The following STC2 variants were observed in gnomAD, a reference collection of about 807,000 sequenced individuals.
The protein encoded by STC2 is stanniocalcin-2.
In STC2, 7 loss-of-function variants were observed where a neutral mutation model predicts 22.7. That is an observed-to-expected ratio of 0.31 (90% confidence interval 0.18 to 0.58). STC2 has a LOEUF of 0.58. STC2 is among the 20% of genes least tolerant of loss of function. STC2 has a pLI of 0.89. For synonymous variants in STC2, 158 were observed against 163.4 expected (o/e 0.97, Z 0.25); for missense variants, 336 against 406.2 (o/e 0.83, Z 1.48).
In STC2 at chr5:173,326,044, A is replaced by T. The variant is rs1173501896; in HGVS notation, c.152-34T>A. The stretch of plus-strand genomic sequence containing the variant: ...AAAATCACATACAAATATATACAAA[A>T]CTCTAACCCATGCTGGGCAATGCAG... On this transcript the variant is annotated intron_variant, in intron 1 of 3. Coordinates refer to ENST00000265087, the MANE Select transcript of STC2 (RefSeq NM_003714.3). 14 of 1,610,008 alleles carry T rather than the reference A, an allele frequency of 8.7e-6. No individual in the cohort carries two copies. In the South Asian group the frequency reaches 1.5e-4, roughly 18 times the overall value.
At position 173,328,115 on chromosome 5, in the gene STC2, C is replaced by G. The variant is rs1375362476; in HGVS notation, c.79G>C (p.Ala27Pro). ...ATFDPARGTD[A>P]TNPPEGPQDR... ...TGGGGACCCTCGGGTGGGTTGGTGG[C>G]GTCGGTCCCCCGCGCCGGGTCAAAG... The change falls in exon 1 of 4, where the codon GCC (alanine) becomes CCC (proline). Residue 27 changes from alanine (A) to proline (P), a missense_variant. Coordinates refer to ENST00000265087, the MANE Select transcript of STC2 (RefSeq NM_003714.3). 6.2e-7 allele frequency: 1 copy of G among 1,601,430 alleles called. No individual in the cohort carries two copies. Among genetic ancestry groups the G allele is most frequent in the Non-Finnish European group, 8.5e-7 (1 of 1,174,156 alleles).
rs925905197 is a variant in STC2 at position 173,323,370 on chromosome 5, C to T, written c.355G>A (p.Gly119Ser). The T allele has an allele frequency of 1.1e-5, 18 of 1,614,012 alleles. No individual in the cohort carries two copies. Among genetic ancestry groups the T allele is most frequent in the South Asian group, 3.3e-5 (3 of 91,050 alleles). The stretch of plus-strand genomic sequence containing the variant: ...GCCGGGCACTTCCGGCTTATGCAGC[C>T]GAACCTGTGCCGCAGAGCGTGGGCC... The part of the protein sequence containing the change: ...CKAHALRHRF[G>S]CISRKCPAIR... The change falls in exon 3 of 4, where the codon GGC becomes AGC. Residue 119 changes from glycine to serine, a missense_variant. By Grantham distance (56) the Gly-to-Ser change is moderately conservative. Around this residue, in one of 3 missense-constraint regions of STC2, gnomAD observed 22 missense variants for 52.0 expected, o/e 0.42. Transcript: ENST00000265087. This position sits in a 1 kb window ranked among gnomAD's most constrained non-coding sequence, Gnocchi z 5.4.
chr5:173,326,663 T>C (rs1336735425), intron 1 of STC2: 4 of 152,182 alleles, frequency 2.6e-5, no homozygotes, highest in Non-Finnish European at 5.9e-5. Flanking sequence ...GAAACGCCAC[T>C]ATCAGAGGTT....
Position 173,317,922 on chromosome 5 carries a change from G to A in STC2, c.834C>T (p.Gly278=). The A allele has an allele frequency of 6.2e-7, 1 of 1,613,090 alleles. No homozygotes were observed. The highest frequency in any genetic ancestry group is 1.1e-5 in the South Asian group (1 of 90,994). ...TTCCGGAAGGTCCCTGAGCCCCAAG[G>A]CCCCCGACTCTGCCTCGGGCATGGG... ...PNAHARGRVG[G]LGAQGPSGSS... is the part of the protein sequence containing the mutation. The change falls in exon 4 of 4, where the codon GGC becomes GGT. Residue 278 remains glycine, a synonymous_variant. Coordinates refer to ENST00000265087, the MANE Select transcript of STC2 (RefSeq NM_003714.3).
At chr5:173,318,365 G>A (rs958961541) in intron 3 of STC2, 116 bp from the exon 4 acceptor site, 2 of 1,088,590 alleles carry the variant, frequency 1.8e-6, no homozygotes, top group Admixed American at 7.1e-5. Flanking sequence ...AAGGAGGCAT[G>A]GCCAGTGCTT....
In STC2 at chr5:173,323,233, G is replaced by A. The variant is rs1237712308; in HGVS notation, c.492C>T (p.Asp164=). ...RVIVEMIHFK[D]LLLHEPYVDL... ...GCAGTACTCACTCGTGCAGCAGCAA[G>A]TCCTTGAAATGGATCATCTCCACTA... The change falls in exon 3 of 4, where the codon GAC becomes GAT. Residue 164 remains aspartate, a synonymous_variant. Coordinates refer to ENST00000265087, the MANE Select transcript of STC2 (RefSeq NM_003714.3). This position sits in a 1 kb window ranked among gnomAD's most constrained non-coding sequence, Gnocchi z 5.4. 1.2e-6 allele frequency: 2 copies of A among 1,614,196 alleles called. No individual in the cohort carries two copies. Among genetic ancestry groups the A allele is most frequent in the African/African-American group, 1.3e-5 (1 of 75,054 alleles).
chr5:173,322,187 C>A (rs1762495698), intron 3 of STC2, among the ~76,000 whole-genome samples: 1 of 152,138 alleles, frequency 6.6e-6, no homozygotes, highest in African/African-American at 2.4e-5. Flanking sequence ...CAATGAGTCA[C>A]CGTGGAGAGA....
intron 1 of STC2, among the ~76,000 whole-genome samples, chr5:173,326,232 C>A (rs1197554347): frequency 1.3e-5 from 2 of 152,116 alleles, no homozygotes; most frequent in African/African-American, 2.4e-5. Flanking sequence ...TAGAAAAGAG[C>A]CGAAAAATTA....
chr5:173,325,208 T>C lies in STC2; in HGVS notation c.294+660A>G, dbSNP rs1762532807. ...TGCCACATGCCATCTAAAAATGTAT[T>C]TGCGTTGTTGGCACTGGAGCCATAT... On this transcript the variant is annotated intron_variant, in intron 2 of 3. Transcript: ENST00000265087. This position sits in a 1 kb window ranked among gnomAD's most constrained non-coding sequence, Gnocchi z 4.7. Among the ~76,000 whole-genome samples, 1 of 152,230 alleles carries C rather than the reference T, an allele frequency of 6.6e-6. No homozygotes were observed. The highest frequency in any genetic ancestry group is 2.4e-5 in the African/African-American group (1 of 41,452).
Position 173,328,132 on chromosome 5 carries a change from G to A in STC2, c.62C>T (p.Pro21Leu), listed in dbSNP as rs1206826522. 6.2e-7 allele frequency: 1 copy of A among 1,600,386 alleles called. No homozygotes were observed. ...TLALVLATFD[P>L]ARGTDATNPP... ...GTTGGTGGCGTCGGTCCCCCGCGCC[G>A]GGTCAAAGGTGGCCAACACCAAAGC... The change falls in exon 1 of 4, where the codon CCG becomes CTG. Residue 21 changes from proline to leucine, a missense_variant. This residue lies in a region of STC2 where 99 missense variants were observed against 122.7 expected (regional missense o/e 0.81). Coordinates refer to ENST00000265087, the MANE Select transcript of STC2 (RefSeq NM_003714.3).
chr5:173,317,790 C>T lies in STC2; in HGVS notation c.*57G>A. ...TCTAATGGTAAATGTTTTGGAATGT[C>T]CATAGATAAGAAAATGGACGGCGTG... On this transcript the variant is annotated 3_prime_UTR_variant, in exon 4 of 4. Transcript: ENST00000265087. 6.6e-7 allele frequency: 1 copy of T among 1,511,510 alleles called. No individual in the cohort carries two copies. Among genetic ancestry groups the T allele is most frequent in the Non-Finnish European group, 8.9e-7 (1 of 1,127,976 alleles). 93.6% of individuals were successfully genotyped at this position (1,511,510 alleles called of 1,614,324 possible).
intron 3 of STC2, among the ~76,000 whole-genome samples, chr5:173,322,471 T>A (rs1762498003): frequency 6.6e-6 from 1 of 152,256 alleles, no homozygotes; most frequent in South Asian, 2.1e-4. Flanking sequence ...TAAGTTCACA[T>A]TTCCTTGTTT....
Position 173,315,585 on chromosome 5 carries a change from A to G in STC2, c.*2262T>C, listed in dbSNP as rs1243578795. On this transcript the variant is annotated 3_prime_UTR_variant, in exon 4 of 4. Transcript: ENST00000265087. ...AACATTTACACGGAGGAAAATGGAA[A>G]TGTGATGCCTTTCACACATCCAGTC... is the stretch of plus-strand genomic sequence containing the variant. 2.0e-5 allele frequency: 3 copies of G among 152,290 alleles called. No homozygotes were observed. The East Asian group carries it at 5.8e-4, about 29-fold the overall frequency. 9.4% of individuals were successfully genotyped at this position (152,290 alleles called of 1,614,324 possible).
intron 3 of STC2, among the ~76,000 whole-genome samples, chr5:173,321,136 C>T (rs1022347818): frequency 6.6e-6 from 1 of 151,540 alleles, no homozygotes; most frequent in African/African-American, 2.4e-5. Flanking sequence ...TAGGCTCATT[C>T]TGAATGGTGT....
At chr5:173,324,540 G>A (rs1054091560) in intron 2 of STC2, among the ~76,000 whole-genome samples, 4 of 152,194 alleles carry the variant, frequency 2.6e-5, no homozygotes, top group Non-Finnish European at 2.9e-5. Flanking sequence ...AAACCATGTG[G>A]CCCGCATGGC....
At chr5:173,318,379 T>C in intron 3 of STC2, 130 bp from the exon 4 acceptor site, 1 of 969,990 alleles carries the variant, frequency 1.0e-6, no homozygotes, top group Non-Finnish European at 1.4e-6. Context: ...AGTGCTTGTC[T>C]TGGGTTCGGT....
At chr5:173,318,291 A>AGAGAGAGC (rs1554096989) in intron 3 of STC2, 42 bp from the exon 4 acceptor site, 3 of 1,373,268 alleles carry the variant, frequency 2.2e-6, no homozygotes, top group African/African-American at 2.9e-5. Flanking sequence ...AGAGAGAGAG[A>AGAGAGAGC]GAGAGAGAGG....
intron 3 of STC2, among the ~76,000 whole-genome samples, chr5:173,320,947 C>T (rs544623716): frequency 2.0e-5 from 3 of 151,500 alleles, no homozygotes; most frequent in East Asian, 1.9e-4. Context: ...AAGTACAAGT[C>T]GATGCACCGC....
chr5:173,327,582 T>C (rs866905890), intron 1 of STC2, among the ~76,000 whole-genome samples: 2 of 152,278 alleles, frequency 1.3e-5, no homozygotes, highest in South Asian at 2.1e-4. Flanking sequence ...ATGTCGGGCA[T>C]CTTTTGAGGA....
Sources: gnomAD v4.1 joint callset for allele counts (sites outside exome capture counted in the v4.1 genomes callset) on GRCh38, gnomAD v4.1.1 for gene constraint, gnomAD v4.1.1 regional missense constraint, Gnocchi (gnomAD v3.1) non-coding constraint, MANE v1.5 for transcripts, NCBI Gene and HGNC (gene_info 2026-07-23, HGNC 2026-07-21) for gene names.